Variants in RGS6 observed in about 807,000 individuals in gnomAD.
RGS6 encodes regulator of G protein signaling 6.
In RGS6, 30 loss-of-function variants were observed where a neutral mutation model predicts 78.5. The observed-to-expected ratio is 0.38, with a 90% CI of 0.29 to 0.52. The LOEUF is 0.52. RGS6 is among the 20% of genes least tolerant of loss of function. RGS6 has a pLI of 0.85. For missense variants in RGS6, 495 were observed against 609.7 expected (o/e 0.81, Z 1.98); for synonymous variants, 206 against 206.0 (o/e 1.00, Z 0.00).
intron 2 of RGS6, among the ~76,000 whole-genome samples, chr14:72,234,526 C>G (rs890689895): frequency 1.3e-5 from 2 of 152,144 alleles, no homozygotes; most frequent in African/African-American, 4.8e-5. Flanking sequence ...GGTTGCTTAT[C>G]AGCATGAAAC....
At chr14:72,139,797 A>G (rs2096510147) in intron 2 of RGS6, among the ~76,000 whole-genome samples, 1 of 152,214 alleles carries the variant, frequency 6.6e-6, no homozygotes, top group Non-Finnish European at 1.5e-5. Flanking sequence ...TAAATCTTTA[A>G]CATCCATAGT....
At chr14:72,228,221 A>G (rs2048612134) in intron 2 of RGS6, among the ~76,000 whole-genome samples, 1 of 152,158 alleles carries the variant, frequency 6.6e-6, no homozygotes, top group African/African-American at 2.4e-5. Flanking sequence ...TCCACTAAAA[A>G]TACAAAAAAA....
chr14:71,994,759 A>G (rs2095122463), intron 2 of RGS6, among the ~76,000 whole-genome samples: 1 of 151,946 alleles, frequency 6.6e-6, no homozygotes, highest in Admixed American at 6.6e-5. Context: ...AGAAGCTAGA[A>G]GAGAGGCCTG....
chr14:72,313,435 C>T (rs893485927), intron 2 of RGS6, among the ~76,000 whole-genome samples: 8 of 152,198 alleles, frequency 5.3e-5, no homozygotes, highest in Non-Finnish European at 1.0e-4. Context: ...CAGTAGAGAC[C>T]GCTTGCTTTT....
chr14:72,596,412 C>T, the RGS6 span, among the ~76,000 whole-genome samples: 1 of 152,180 alleles, frequency 6.6e-6, no homozygotes, highest in African/African-American at 2.4e-5. Flanking sequence ...ATTTAGCAAC[C>T]TTAGTTCCAC....
At chr14:72,057,447 G>A (rs2093676832) in intron 2 of RGS6, among the ~76,000 whole-genome samples, 1 of 151,726 alleles carries the variant, frequency 6.6e-6, no homozygotes, top group African/African-American at 2.4e-5. Context: ...GGGATCTGTG[G>A]TTACACTCTT....
chr14:72,104,796 G>A (rs1269960891), intron 2 of RGS6, among the ~76,000 whole-genome samples: 1 of 152,180 alleles, frequency 6.6e-6, no homozygotes, highest in East Asian at 1.9e-4. Flanking sequence ...ACTCACCAGG[G>A]ATCTTGTTAA....
chr14:72,373,096 C>T (rs2083856723), intron 3 of RGS6, among the ~76,000 whole-genome samples: 4 of 152,006 alleles, frequency 2.6e-5, no homozygotes, highest in Admixed American at 1.3e-4. Flanking sequence ...AAGAGGAAGC[C>T]GAGCCCACCC....
chr14:71,953,664 AT>A (rs917765007), intron 1 of RGS6, among the ~76,000 whole-genome samples: 3 of 151,826 alleles, frequency 2.0e-5, no homozygotes, highest in African/African-American at 7.3e-5. Flanking sequence ...TTTAAAAAAT[AT>A]TTTTTTTGTC....
chr14:72,436,648 C>G (rs1779982461), intron 3 of RGS6, among the ~76,000 whole-genome samples: 1 of 152,122 alleles, frequency 6.6e-6, no homozygotes, highest in Admixed American at 6.5e-5. Flanking sequence ...TGGTCATTTC[C>G]TCTTAACATA....
intron 2 of RGS6, among the ~76,000 whole-genome samples, chr14:72,336,437 A>G (rs956935984): frequency 2.6e-5 from 4 of 152,148 alleles, no homozygotes; most frequent in African/African-American, 7.2e-5. Flanking sequence ...AGATCAGACA[A>G]TATGCAAGAA....
chr14:72,322,930 G>A (rs1312953184), intron 2 of RGS6, among the ~76,000 whole-genome samples: 1 of 151,932 alleles, frequency 6.6e-6, no homozygotes, highest in Non-Finnish European at 1.5e-5. Flanking sequence ...TTAGTAACAT[G>A]GTCCCAAAGC....
At chr14:72,260,311 T>C (rs182897450) in intron 2 of RGS6, among the ~76,000 whole-genome samples, 1 of 152,338 alleles carries the variant, frequency 6.6e-6, no homozygotes, top group East Asian at 1.9e-4. Flanking sequence ...AGAAATGTAA[T>C]TTGCAATGAA....
At chr14:72,340,492 G>A (rs1047767611) in intron 2 of RGS6, among the ~76,000 whole-genome samples, 3 of 152,246 alleles carry the variant, frequency 2.0e-5, no homozygotes, top group Non-Finnish European at 4.4e-5. Context: ...AGTGGTCATC[G>A]TGCAAGGCAG....
chr14:72,412,635 C>T (rs1459620847), intron 3 of RGS6, among the ~76,000 whole-genome samples: 2 of 152,150 alleles, frequency 1.3e-5, no homozygotes. Context: ...GCTCTTGCTT[C>T]TCTAGTTCTT....
At chr14:72,353,546 G>C (rs1249712592) in intron 3 of RGS6, among the ~76,000 whole-genome samples, 1 of 152,194 alleles carries the variant, frequency 6.6e-6, no homozygotes, top group African/African-American at 2.4e-5. Flanking sequence ...TAGATCAGTG[G>C]TTTCCAGCAA....
intron 15 of RGS6, among the ~76,000 whole-genome samples, chr14:72,526,378 T>C (rs1156322920): frequency 3.3e-5 from 5 of 152,192 alleles, no homozygotes; most frequent in African/African-American, 1.2e-4. Context: ...GTGCTGGGAT[T>C]ACAGGCATGA....
At chr14:71,906,327 G>A in the RGS6 span, among the ~76,000 whole-genome samples, 2 of 152,122 alleles carry the variant, frequency 1.3e-5, no homozygotes, top group African/African-American at 2.4e-5. Flanking sequence ...CACAGTTGGG[G>A]GCTCTGTTCA....
intron 2 of RGS6, among the ~76,000 whole-genome samples, chr14:71,997,470 A>G (rs2095247410): frequency 6.6e-6 from 1 of 152,230 alleles, no homozygotes; most frequent in Non-Finnish European, 1.5e-5. Context: ...AGGCCTATGA[A>G]CTTCAGAAAT....
Sources: gnomAD v4.1 joint callset for allele counts (sites outside exome capture counted in the v4.1 genomes callset) on GRCh38, gnomAD v4.1.1 for gene constraint, MANE v1.5 for transcripts, NCBI Gene and HGNC (gene_info 2026-07-23, HGNC 2026-07-21) for gene names.